C3orf33: variants seen among roughly 807,000 people sequenced by gnomAD.
C3orf33 encodes the protein mitochondrial inner membrane subdomain organizer 1.
Under a neutral mutation model 28.7 loss-of-function variants are expected in C3orf33, and 23 were observed. The observed-to-expected ratio is 0.80, with a 90% CI of 0.58 to 1.13. The LOEUF (loss-of-function observed/expected upper bound fraction) is 1.13, where lower values mean the gene tolerates loss of function less well. C3orf33 is among the 50% of genes most tolerant of loss of function. C3orf33 has a pLI of 0.00. For missense variants in C3orf33, 327 were observed against 353.4 expected (o/e 0.93, Z 0.60); for synonymous variants, 119 against 120.5 (o/e 0.99, Z 0.08).
intron 3 of C3orf33, among the ~76,000 whole-genome samples, chr3:155,770,477 A>G (rs1360183755): frequency 1.3e-5 from 2 of 152,212 alleles, no homozygotes; most frequent in Admixed American, 6.5e-5. Context: ...CTTGAAGTGG[A>G]TGGTCCATTA....
chr3:155,773,432 T>A (rs539076222), intron 3 of C3orf33, among the ~76,000 whole-genome samples: 84 of 152,352 alleles, frequency 5.5e-4, no homozygotes, highest in Middle Eastern at 3.4e-3. Context: ...CATGCAGTTC[T>A]GAACTAAGTG....
chr3:155,802,682 CCT>C (rs1217272625), intron 1 of C3orf33, 91 bp from the exon 2 acceptor site: 8 of 925,678 alleles, frequency 8.6e-6, no homozygotes, highest in Non-Finnish European at 1.0e-5. Context: ...AGAAGACTGT[CCT>C]CTCTATATCT....
intron 2 of C3orf33, among the ~76,000 whole-genome samples, chr3:155,794,908 G>C (rs932864075): frequency 6.6e-6 from 1 of 152,088 alleles, no homozygotes; most frequent in African/African-American, 2.4e-5. Flanking sequence ...AAGATATACA[G>C]AGCAATTAAT....
At chr3:155,804,519 G>C (rs189454068) in intron 1 of C3orf33, among the ~76,000 whole-genome samples, 9 of 152,324 alleles carry the variant, frequency 5.9e-5, no homozygotes, top group Middle Eastern at 3.4e-3. Flanking sequence ...CTTGGCTGTA[G>C]AGCATTTGCA....
At chr3:155,780,035 T>C (rs1339997433) in intron 2 of C3orf33, among the ~76,000 whole-genome samples, 2 of 152,122 alleles carry the variant, frequency 1.3e-5, no homozygotes, top group African/African-American at 2.4e-5. Flanking sequence ...ACAAAAAATA[T>C]ACATAAAACA....
At chr3:155,765,146 C>T (rs1042148460) in intron 4 of C3orf33, among the ~76,000 whole-genome samples, 1 of 152,128 alleles carries the variant, frequency 6.6e-6, no homozygotes, top group Non-Finnish European at 1.5e-5. Flanking sequence ...AGTTTGGTCA[C>T]CCAGGAAGCA....
intron 1 of C3orf33, chr3:155,805,689 C>T (rs1388754413): frequency 2.2e-6 from 1 of 455,724 alleles, no homozygotes; most frequent in Non-Finnish European, 4.4e-6. Context: ...CGTGCCACTG[C>T]ACTCCAGCTT....
intron 3 of C3orf33, among the ~76,000 whole-genome samples, 174 bp from the exon 4 acceptor site, chr3:155,767,843 A>G (rs1750461457): frequency 6.6e-6 from 1 of 152,196 alleles, no homozygotes; most frequent in African/African-American, 2.4e-5. Flanking sequence ...AAAACAATAC[A>G]AGTATATATA....
chr3:155,777,985 A>T (rs1750799540), intron 2 of C3orf33, among the ~76,000 whole-genome samples: 1 of 152,080 alleles, frequency 6.6e-6, no homozygotes, highest in Admixed American at 6.6e-5. Flanking sequence ...CTCCATTTCT[A>T]CTAAAAATAC....
chr3:155,782,082 A>T (rs1200535821), intron 2 of C3orf33, among the ~76,000 whole-genome samples: 2 of 150,694 alleles, frequency 1.3e-5, no homozygotes, highest in African/African-American at 2.4e-5. Flanking sequence ...GTGGTGGTGG[A>T]CTCATGTAAT....
At chr3:155,779,602 C>A (rs1178062050) in intron 2 of C3orf33, among the ~76,000 whole-genome samples, 1 of 151,872 alleles carries the variant, frequency 6.6e-6, no homozygotes, top group East Asian at 1.9e-4. Context: ...GCCATGAGAT[C>A]ATATTTCATA....
chr3:155,798,550 G>A (rs1311433325), intron 2 of C3orf33, among the ~76,000 whole-genome samples: 1 of 152,088 alleles, frequency 6.6e-6, no homozygotes, highest in Non-Finnish European at 1.5e-5. Context: ...CTGATGCTGG[G>A]AATACTGGAT....
chr3:155,764,342 A>AATC (rs772735523), intron 4 of C3orf33, among the ~76,000 whole-genome samples: 14 of 152,176 alleles, frequency 9.2e-5, no homozygotes, highest in Non-Finnish European at 1.8e-4. Flanking sequence ...AAATGAACTG[A>AATC]ATCATCACTG....
chr3:155,772,524 T>C (rs16825395), intron 3 of C3orf33, among the ~76,000 whole-genome samples: 3,015 of 151,942 alleles, frequency 0.02, 100 homozygotes, highest in African/African-American at 0.069. Context: ...TACAACTTCA[T>C]GAGACACATG....
At chr3:155,786,467 A>G (rs1179868865) in intron 2 of C3orf33, among the ~76,000 whole-genome samples, 1 of 152,148 alleles carries the variant, frequency 6.6e-6, no homozygotes, top group African/African-American at 2.4e-5. Context: ...GAACTATAAA[A>G]GAGTACTATG....
chr3:155,763,405 G>T lies in C3orf33; in HGVS notation c.*112C>A. On this transcript the variant is annotated 3_prime_UTR_variant, in exon 5 of 5. Transcript: ENST00000340171. ...TCTTTTTAATATTTAAATACCATTG[G>T]ACTAACACTTTGATCATTTGGCAAA... 3.1e-6 allele frequency: 2 copies of T among 649,012 alleles called. No individual in the cohort carries two copies. The highest frequency in any genetic ancestry group is 4.7e-6 in the Non-Finnish European group (2 of 428,510). The allele number at this position is 649,012 out of a possible 1,614,324, so 40.2% of individuals were successfully genotyped here.
intron 3 of C3orf33, among the ~76,000 whole-genome samples, chr3:155,769,723 T>C (rs1212823841): frequency 1.3e-5 from 2 of 152,178 alleles, no homozygotes; most frequent in Non-Finnish European, 2.9e-5. Flanking sequence ...GACATGCTGA[T>C]AGCAGCAGGA....
In C3orf33 at chr3:155,790,861, G is replaced by T. The variant is rs542452697; in HGVS notation, c.174+11671C>A. Reference sequence around the variant, plus strand: ...CCACCACGGGATAATGTATTCTGGGGTCCTAAATAAACTTGAAAGGCAGTC... The same window carrying T: ...CCACCACGGGATAATGTATTCTGGGTTCCTAAATAAACTTGAAAGGCAGTC... On this transcript the variant is annotated intron_variant, in intron 2 of 4. Transcript: ENST00000340171. Among the ~76,000 whole-genome samples, 9 of 152,262 alleles carry T rather than the reference G, an allele frequency of 5.9e-5. No individual in the cohort carries two copies. The South Asian group carries it at 1.9e-3, about 32-fold the overall frequency.
At chr3:155,783,017 A>C (rs1361984807) in intron 2 of C3orf33, among the ~76,000 whole-genome samples, 1 of 152,170 alleles carries the variant, frequency 6.6e-6, no homozygotes. Flanking sequence ...TCCACACCAG[A>C]AAAATAAAAA....
Sources: allele counts gnomAD v4.1 joint callset (sites outside exome capture counted in the v4.1 genomes callset), GRCh38; gene constraint gnomAD v4.1.1; transcripts MANE v1.5; gene names NCBI Gene and HGNC (gene_info 2026-07-23, HGNC 2026-07-21).